Variants in PCDHA3 observed in about 807,000 individuals in gnomAD.
PCDHA3 encodes protocadherin alpha-3.
In PCDHA3, 41 loss-of-function variants were observed where a neutral mutation model predicts 62.2. The observed-to-expected ratio is 0.66, with a 90% CI of 0.51 to 0.86. The LOEUF is 0.86. Among genes scored for constraint, PCDHA3 ranks in the 40% least tolerant of loss-of-function variants. The probability of loss-of-function intolerance (pLI) is 0.00; values close to 1 mark genes in which losing one functional copy is unlikely to be tolerated. For missense variants in PCDHA3, 1,304 were observed against 1,241.2 expected, an observed-to-expected ratio of 1.05 and a Z score of -0.76; for synonymous variants, 640 against 555.4, an observed-to-expected ratio of 1.15 and a Z score of -2.14.
chr5:140,966,727 C>T (rs1330950109), intron 1 of PCDHA3: 4 of 1,405,404 alleles, frequency 2.8e-6, no homozygotes, highest in East Asian at 2.8e-5. Context: ...AAGCTGCCGC[C>T]TCCGGCCCTG....
chr5:140,839,394 TG>T (rs201675395), intron 1 of PCDHA3, among the ~76,000 whole-genome samples: 1,897 of 151,840 alleles, frequency 0.012, 32 homozygotes, highest in Middle Eastern at 0.017. Flanking sequence ...ATGATGATGA[TG>T]ATTATTATTT....
At chr5:140,979,243 C>T (rs1554240401) in intron 2 of PCDHA3, among the ~76,000 whole-genome samples, 1 of 152,178 alleles carries the variant, frequency 6.6e-6, no homozygotes, top group Non-Finnish European at 1.5e-5. Context: ...CAGAAACAGG[C>T]TGCTATGTAT....
rs373601874 is a variant in PCDHA3, at chr5:140,873,473, C to T, written c.2394+69882C>T. ...TTTGCATTTTAGATAATTCAAATTACTTGGACTGATTTCTGCAAAGTTGTG... is the reference window on the plus strand; with the variant it reads ...TTTGCATTTTAGATAATTCAAATTATTTGGACTGATTTCTGCAAAGTTGTG... On this transcript the variant is annotated intron_variant, in intron 1 of 3. Transcript: ENST00000522353. Among the ~76,000 whole-genome samples the T allele has an allele frequency of 1.5e-4, 23 of 152,180 alleles. No homozygotes were observed. The East Asian group carries it at 2.3e-3, about 15-fold the overall frequency.
chr5:140,871,832 C>G (rs2053333400), intron 1 of PCDHA3, among the ~76,000 whole-genome samples: 2 of 152,246 alleles, frequency 1.3e-5, no homozygotes, highest in Non-Finnish European at 2.9e-5. Context: ...CCCTTCATCT[C>G]TAAACTTCAA....
At chr5:140,912,443 G>T (rs1351780500) in intron 1 of PCDHA3, among the ~76,000 whole-genome samples, 3 of 151,748 alleles carry the variant, frequency 2.0e-5, no homozygotes, top group African/African-American at 7.3e-5. Flanking sequence ...TGATTTGTGT[G>T]CATTGATTTT....
chr5:140,932,637 T>G (rs1554209011), intron 1 of PCDHA3, among the ~76,000 whole-genome samples: 2 of 151,870 alleles, frequency 1.3e-5, no homozygotes, highest in Non-Finnish European at 3.0e-5. Flanking sequence ...TAAAAAACTT[T>G]AGAATGATGA....
intron 1 of PCDHA3, chr5:140,809,605 G>C (rs1414368210): frequency 5.2e-6 from 8 of 1,524,772 alleles, no homozygotes; most frequent in Non-Finnish European, 7.0e-6. Flanking sequence ...TTTAATTTTC[G>C]TATTGTTTTT....
chr5:140,967,079 A>G (rs2096093467), intron 1 of PCDHA3: 10 of 1,613,252 alleles, frequency 6.2e-6, no homozygotes, highest in Non-Finnish European at 8.5e-6. Flanking sequence ...CAACGAGCGC[A>G]TTGATCGGGA....
chr5:140,982,722 T>G, intron 3 of PCDHA3, 159 bp downstream of exon 3: 1 of 913,304 alleles, frequency 1.1e-6, no homozygotes, highest in African/African-American at 1.8e-5. Flanking sequence ...TATGATTATT[T>G]TGATTTTATA....
intron 1 of PCDHA3, chr5:140,857,554 G>A (rs782355772): frequency 1.3e-6 from 2 of 1,596,880 alleles, no homozygotes; most frequent in East Asian, 4.5e-5. Flanking sequence ...GCGAGCGCTC[G>A]CTGTCGAGCT....
Position 140,802,633 on chromosome 5 carries a change from C to T in PCDHA3, c.1436C>T (p.Ala479Val), listed in dbSNP as rs1554122256. The T allele has an allele frequency of 2.5e-6, 4 of 1,613,712 alleles. No homozygotes were observed. The African/African-American group carries it at 5.3e-5, about 22-fold the overall frequency. ...PPGCHIFTVSARDADAQENAL... is the reference protein window; with the variant it reads ...PPGCHIFTVSVRDADAQENAL... ...GGCTGCCACATCTTCACGGTGTCTG[C>T]GCGGGACGCGGACGCGCAGGAGAAC... The change falls in exon 1 of 4, where the codon GCG becomes GTG. Residue 479 changes from alanine to valine, a missense_variant. By Grantham distance (64) the Ala-to-Val change is moderately conservative (BLOSUM62 0). Transcript: ENST00000522353.
Position 140,969,468 on chromosome 5 carries a change from A to G in PCDHA3, c.2395-9481A>G, listed in dbSNP as rs1554231867. 18 of 1,486,304 alleles carry G rather than the reference A, an allele frequency of 1.2e-5. No individual in the cohort carries two copies. In the South Asian group the frequency reaches 2.5e-4, roughly 21 times the overall value. 92.1% of individuals were successfully genotyped at this position (1,486,304 alleles called of 1,614,324 possible). The stretch of plus-strand genomic sequence containing the variant: ...AAACTGAGTATATATAGTATCCACA[A>G]TTTGATCATAATCTGCTATTTCCTC... On this transcript the variant is annotated intron_variant, in intron 1 of 3. Transcript: ENST00000522353.
rs2150169612 is a variant in PCDHA3 at position 140,829,534 on chromosome 5, C to G, written c.2394+25943C>G. 279 of 1,613,194 alleles carry G rather than the reference C, an allele frequency of 1.7e-4. No homozygotes were observed. The highest frequency in any genetic ancestry group is 2.3e-4 in the Non-Finnish European group (267 of 1,179,876). On this transcript the variant is annotated intron_variant, in intron 1 of 3. Coordinates refer to ENST00000522353, the MANE Select transcript of PCDHA3 (RefSeq NM_018906.3). The stretch of plus-strand genomic sequence containing the variant: ...ACATCTTCACGGTGTCTGCGCGAGA[C>G]GCGGACGCGCAGGAGAACGCGCTGG...
intron 1 of PCDHA3, among the ~76,000 whole-genome samples, chr5:140,897,778 T>C (rs1402383058): frequency 2.0e-5 from 3 of 152,208 alleles, no homozygotes; most frequent in Non-Finnish European, 2.9e-5. Context: ...ACTTCCACAA[T>C]GGTTGAACTA....
At chr5:140,910,072 T>A (rs546252378) in intron 1 of PCDHA3, among the ~76,000 whole-genome samples, 359 of 152,300 alleles carry the variant, frequency 2.4e-3, no homozygotes, top group African/African-American at 8.0e-3. Flanking sequence ...ACAGCGTAAA[T>A]TGTTGTCAAG....
chr5:140,863,074 A>G lies in PCDHA3; in HGVS notation c.2394+59483A>G, dbSNP rs142752367. ...GCACCCGTTCCACGTGGGGCTCTGC[A>G]CGGGCGAGATCAGCACGACGAGTAC... On this transcript the variant is annotated intron_variant, in intron 1 of 3. Transcript: ENST00000522353. The G allele has an allele frequency of 2.9e-3, 1,668 of 569,744 alleles. 11 individuals are homozygous for G. Among genetic ancestry groups the G allele is most frequent in the Middle Eastern group, 0.01 (34 of 3,390 alleles). The allele number at this position is 569,744 out of a possible 1,614,324, so 35.3% of individuals were successfully genotyped here.
chr5:140,884,461 G>A (rs2060188157), intron 1 of PCDHA3: 3 of 1,613,646 alleles, frequency 1.9e-6, no homozygotes, highest in African/African-American at 1.3e-5. Flanking sequence ...CCGAGGGCGC[G>A]TGCGCGCCGG....
intron 1 of PCDHA3, among the ~76,000 whole-genome samples, chr5:140,964,650 TG>T (rs1554227136): frequency 6.6e-6 from 1 of 151,800 alleles, no homozygotes; most frequent in Non-Finnish European, 1.5e-5. Flanking sequence ...AAACAAGTAA[TG>T]GGTGAGGACA....
At chr5:140,914,488 G>T (rs1437401245) in intron 1 of PCDHA3, among the ~76,000 whole-genome samples, 1 of 152,080 alleles carries the variant, frequency 6.6e-6, no homozygotes, top group Non-Finnish European at 1.5e-5. Flanking sequence ...AGTGTTTCTT[G>T]TGGGCAACAG....
Sources: allele counts gnomAD v4.1 joint callset (sites outside exome capture counted in the v4.1 genomes callset), GRCh38; gene constraint gnomAD v4.1.1; transcripts MANE v1.5; gene names NCBI Gene and HGNC (gene_info 2026-07-23, HGNC 2026-07-21).